Variants in NOL4 observed in about 807,000 individuals in gnomAD.
NOL4 encodes the protein cancer/testis antigen 125.
NOL4 carries 17 observed loss-of-function variants against 75.9 expected under a neutral mutation model. The observed-to-expected ratio is 0.22, with a 90% CI of 0.15 to 0.34. The LOEUF is 0.34. NOL4 is among the 10% of genes least tolerant of loss of function. NOL4 has a pLI of 1.00. For synonymous variants in NOL4, 292 were observed against 289.9 expected, an observed-to-expected ratio of 1.01 and a Z score of -0.07; for missense variants, 614 against 793.5, an observed-to-expected ratio of 0.77 and a Z score of 2.72.
At chr18:34,034,742 C>G (rs548632572) in intron 5 of NOL4, among the ~76,000 whole-genome samples, 5 of 151,398 alleles carry the variant, frequency 3.3e-5, no homozygotes, top group Non-Finnish European at 7.4e-5. Context: ...CCTGCCCCAC[C>G]CCACCCCCCA....
intron 9 of NOL4, among the ~76,000 whole-genome samples, chr18:33,933,028 A>G (rs1202406497): frequency 6.6e-6 from 1 of 152,086 alleles, no homozygotes; most frequent in African/African-American, 2.4e-5. Flanking sequence ...TAGTCCAAGA[A>G]CTACCCCGAT....
intron 10 of NOL4, among the ~76,000 whole-genome samples, chr18:33,881,778 G>A (rs2064293536): frequency 6.6e-6 from 1 of 152,116 alleles, no homozygotes. Context: ...CAAAGCTGGA[G>A]GCATCATGCT....
intron 2 of NOL4, among the ~76,000 whole-genome samples, chr18:34,122,597 C>G (rs1402807567): frequency 6.6e-6 from 1 of 152,032 alleles, no homozygotes; most frequent in African/African-American, 2.4e-5. Flanking sequence ...AAAAACAACC[C>G]TACAAAATAA....
Position 33,924,116 on chromosome 18 carries a change from G to A in NOL4, c.1542+18949C>T, listed in dbSNP as rs76262756. On this transcript the variant is annotated intron_variant, in intron 9 of 10. Transcript: ENST00000261592. Reference sequence around the variant, plus strand: ...CATTTAGGGCAGAACTTCCTCCAGTGTCTGCAGTAGCACTTGTATCAAGCT... The same window carrying A: ...CATTTAGGGCAGAACTTCCTCCAGTATCTGCAGTAGCACTTGTATCAAGCT... Among the ~76,000 whole-genome samples, 37 of 152,296 alleles carry A rather than the reference G, an allele frequency of 2.4e-4. No individual in the cohort carries two copies. The East Asian group carries it at 5.0e-3, about 21-fold the overall frequency.
chr18:34,188,836 C>A (rs1047244653), intron 1 of NOL4, among the ~76,000 whole-genome samples: 5 of 152,094 alleles, frequency 3.3e-5, no homozygotes, highest in Non-Finnish European at 1.5e-5. Flanking sequence ...TGTATTTAGA[C>A]CCAAATGAAT....
chr18:34,040,166 A>G (rs1199664593), intron 5 of NOL4, among the ~76,000 whole-genome samples: 2 of 151,920 alleles, frequency 1.3e-5, no homozygotes, highest in Non-Finnish European at 2.9e-5. Context: ...AAAACGATCG[A>G]TTGATCTATT....
At chr18:34,150,000 G>A (rs890370204) in intron 1 of NOL4, among the ~76,000 whole-genome samples, 6 of 151,644 alleles carry the variant, frequency 4.0e-5, no homozygotes, top group Non-Finnish European at 7.4e-5. Context: ...GCAGACTATC[G>A]TATTCCTCTA....
At chr18:34,116,868 A>G (rs933612615) in intron 2 of NOL4, among the ~76,000 whole-genome samples, 1 of 152,192 alleles carries the variant, frequency 6.6e-6, no homozygotes, top group African/African-American at 2.4e-5. Flanking sequence ...TTCTTTTCTC[A>G]GTCCCAAGTA....
intron 9 of NOL4, among the ~76,000 whole-genome samples, chr18:33,934,045 T>C (rs2067885742): frequency 6.6e-6 from 1 of 152,042 alleles, no homozygotes; most frequent in South Asian, 2.1e-4. Flanking sequence ...GAATGGGTGT[T>C]GGTTAGCAGG....
intron 2 of NOL4, among the ~76,000 whole-genome samples, chr18:34,111,256 G>T (rs941603148): frequency 3.3e-5 from 5 of 151,868 alleles, no homozygotes; most frequent in Admixed American, 2.6e-4. Flanking sequence ...CATAATAAAG[G>T]GTTAATTTCA....
At chr18:33,887,348 A>G (rs1462453254) in intron 9 of NOL4, among the ~76,000 whole-genome samples, 1 of 151,156 alleles carries the variant, frequency 6.6e-6, no homozygotes, top group Non-Finnish European at 1.5e-5. Context: ...TAGTCAGCAA[A>G]TTGCAGATTA....
intron 1 of NOL4, among the ~76,000 whole-genome samples, chr18:34,163,916 G>A (rs1179563891): frequency 6.6e-6 from 1 of 152,122 alleles, no homozygotes; most frequent in Admixed American, 6.5e-5. Context: ...GAACGGAACA[G>A]AGCCCTCAGA....
chr18:34,222,508 T>G (rs2037389718), intron 1 of NOL4: 7 of 932,290 alleles, frequency 7.5e-6, no homozygotes, highest in Non-Finnish European at 9.0e-6. Context: ...CATCCACCGC[T>G]AGCGCTACAT....
chr18:34,058,989 C>G (rs576311892), intron 5 of NOL4, among the ~76,000 whole-genome samples: 1 of 151,638 alleles, frequency 6.6e-6, no homozygotes, highest in Non-Finnish European at 1.5e-5. Flanking sequence ...GGACTCTGCA[C>G]AAAGGGGTCA....
At chr18:33,886,086 T>C (rs1318777129) in intron 9 of NOL4, among the ~76,000 whole-genome samples, 1 of 152,144 alleles carries the variant, frequency 6.6e-6, no homozygotes, top group Admixed American at 6.6e-5. Context: ...AAACATTGCA[T>C]ATTCTCACTT....
chr18:33,881,510 C>A (rs1229907265), intron 10 of NOL4, among the ~76,000 whole-genome samples: 2 of 151,860 alleles, frequency 1.3e-5, no homozygotes, highest in Non-Finnish European at 2.9e-5. Context: ...ATGTGAAGGA[C>A]CTCTTCAAGG....
intron 9 of NOL4, among the ~76,000 whole-genome samples, chr18:33,904,224 T>C (rs185903774): frequency 6.6e-6 from 1 of 152,054 alleles, no homozygotes; most frequent in African/African-American, 2.4e-5. Context: ...CATCGAGGGA[T>C]AGTATGGACC....
intron 5 of NOL4, among the ~76,000 whole-genome samples, chr18:34,091,663 A>G (rs1272684099): frequency 1.3e-5 from 2 of 152,216 alleles, no homozygotes; most frequent in African/African-American, 2.4e-5. Flanking sequence ...CAATCGAGGC[A>G]TTTTAAAGAA....
intron 5 of NOL4, among the ~76,000 whole-genome samples, chr18:34,025,590 C>G (rs2075300702): frequency 6.6e-6 from 1 of 152,102 alleles, no homozygotes; most frequent in Non-Finnish European, 1.5e-5. Flanking sequence ...CACACTGGCT[C>G]TATGTATGTC....
Sources: gnomAD v4.1 joint callset for allele counts (sites outside exome capture counted in the v4.1 genomes callset) on GRCh38, gnomAD v4.1.1 for gene constraint, MANE v1.5 for transcripts, NCBI Gene and HGNC (gene_info 2026-07-23, HGNC 2026-07-21) for gene names.